The following C3orf33 variants were observed in gnomAD, a reference collection of about 807,000 sequenced individuals.
C3orf33 encodes mitochondrial inner membrane subdomain organizer 1.
In C3orf33, 23 loss-of-function variants were observed where a neutral mutation model predicts 28.7. The ratio of observed to expected loss-of-function variants is 0.80; its 90% confidence interval spans 0.58 to 1.13. C3orf33 has a LOEUF of 1.13. Ranked by LOEUF, C3orf33 falls within the 50% of genes most tolerant of loss-of-function variation. C3orf33 has a pLI of 0.00. For synonymous variants in C3orf33, 119 were observed against 120.5 expected (o/e 0.99, Z 0.08); for missense variants, 327 against 353.4 (o/e 0.93, Z 0.60).
chr3:155,768,088 C>T (rs949716520), intron 3 of C3orf33, among the ~76,000 whole-genome samples: 2 of 152,132 alleles, frequency 1.3e-5, no homozygotes, highest in Non-Finnish European at 2.9e-5. Context: ...TTATGTTGGC[C>T]AAGCTGGTCT....
chr3:155,771,147 C>G (rs1750579553), intron 3 of C3orf33, among the ~76,000 whole-genome samples: 1 of 151,618 alleles, frequency 6.6e-6, no homozygotes, highest in Non-Finnish European at 1.5e-5. Flanking sequence ...GCTCTGCCAC[C>G]CAGGCTGGAG....
intron 4 of C3orf33, among the ~76,000 whole-genome samples, chr3:155,767,153 T>C (rs1022900500): frequency 6.6e-6 from 1 of 151,638 alleles, no homozygotes; most frequent in Admixed American, 6.6e-5. Context: ...CTCAGGAGGC[T>C]GAGGCAGAAG....
At chr3:155,780,655 T>C (rs1306221813) in intron 2 of C3orf33, among the ~76,000 whole-genome samples, 1 of 152,176 alleles carries the variant, frequency 6.6e-6, no homozygotes, top group East Asian at 1.9e-4. Flanking sequence ...TAACACAATA[T>C]CCATTGCTAA....
At chr3:155,800,271 C>T (rs1751601416) in intron 2 of C3orf33, among the ~76,000 whole-genome samples, 1 of 151,876 alleles carries the variant, frequency 6.6e-6, no homozygotes, top group Non-Finnish European at 1.5e-5. Flanking sequence ...AAATTTAAAA[C>T]TTGCACATCA....
rs1577434682 is a variant in C3orf33 at position 155,794,317 on chromosome 3, T to C, written c.174+8215A>G. On this transcript the variant is annotated intron_variant, in intron 2 of 4. Transcript: ENST00000340171. ...TTTATGCAATCAATGTTGTCATCGGTTTAAAATAACAGGTGATAAGATATT... is the reference window on the plus strand; with the variant it reads ...TTTATGCAATCAATGTTGTCATCGGCTTAAAATAACAGGTGATAAGATATT... 3.9e-5 allele frequency among the ~76,000 whole-genome samples: 6 copies of C among 152,048 alleles called. No homozygotes were observed. The South Asian group carries it at 1.2e-3, about 32-fold the overall frequency.
chr3:155,799,278 A>G (rs556999974), intron 2 of C3orf33, among the ~76,000 whole-genome samples: 35 of 152,362 alleles, frequency 2.3e-4, no homozygotes, highest in African/African-American at 7.9e-4. Flanking sequence ...GATATATACC[A>G]AAAGAAAGGA....
At chr3:155,792,972 A>G (rs1280478812) in intron 2 of C3orf33, among the ~76,000 whole-genome samples, 1 of 152,140 alleles carries the variant, frequency 6.6e-6, no homozygotes, top group East Asian at 1.9e-4. Context: ...ATTCAAGTAC[A>G]AGAAGGTTAT....
chr3:155,777,364 G>C (rs1274508094), intron 2 of C3orf33, among the ~76,000 whole-genome samples: 4 of 151,728 alleles, frequency 2.6e-5, no homozygotes, highest in African/African-American at 9.7e-5. Flanking sequence ...TCTGAATACA[G>C]ACTGGGTATT....
At position 155,796,144 on chromosome 3, in the gene C3orf33, A is replaced by C. The variant is rs867076100; in HGVS notation, c.174+6388T>G. ...AAACCCAAAATTAGTAGAAGAAAAA[A>C]ATAATAAAGATTGGAGCAAAAATAA... On this transcript the variant is annotated intron_variant, in intron 2 of 4. Coordinates refer to ENST00000340171, the MANE Select transcript of C3orf33 (RefSeq NM_001308229.2). 9.9e-5 allele frequency among the ~76,000 whole-genome samples: 15 copies of C among 152,250 alleles called. No individual in the cohort carries two copies. The South Asian group carries it at 2.5e-3, about 25-fold the overall frequency.
chr3:155,792,562 G>C (rs778529721), intron 2 of C3orf33, among the ~76,000 whole-genome samples: 1 of 152,108 alleles, frequency 6.6e-6, no homozygotes, highest in African/African-American at 2.4e-5. Context: ...TGGCTGTTTT[G>C]AGGAAACCTA....
intron 3 of C3orf33, among the ~76,000 whole-genome samples, chr3:155,770,962 CTGTGTGTGTGTGTGTGTGTG>C (rs3068982): frequency 7.7e-6 from 1 of 129,926 alleles, no homozygotes; most frequent in Non-Finnish European, 1.6e-5. Flanking sequence ...GCATGAACCA[CTGTGTGTGTGTGTGTGTGTG>C]TGTGTGTGTG....
intron 2 of C3orf33, among the ~76,000 whole-genome samples, chr3:155,782,664 A>G (rs1322898110): frequency 6.6e-6 from 1 of 152,222 alleles, no homozygotes; most frequent in Non-Finnish European, 1.5e-5. Context: ...GACCCTCAGA[A>G]GTGAAGAATT....
chr3:155,783,026 A>G (rs985035987), intron 2 of C3orf33, among the ~76,000 whole-genome samples: 1 of 152,188 alleles, frequency 6.6e-6, no homozygotes, highest in Non-Finnish European at 1.5e-5. Flanking sequence ...GAAAAATAAA[A>G]AAATCTGCCA....
chr3:155,787,009 A>T (rs1393617239), intron 2 of C3orf33, among the ~76,000 whole-genome samples: 1 of 152,206 alleles, frequency 6.6e-6, no homozygotes. Context: ...TTAAAAGGGG[A>T]CTAACACCAA....
chr3:155,794,772 T>C (rs532805786), intron 2 of C3orf33, among the ~76,000 whole-genome samples: 21 of 152,186 alleles, frequency 1.4e-4, no homozygotes, highest in Admixed American at 3.9e-4. Context: ...GATTTTAAGA[T>C]AAAATAGATT....
intron 2 of C3orf33, among the ~76,000 whole-genome samples, chr3:155,782,497 C>T (rs1250373237): frequency 6.6e-6 from 1 of 152,036 alleles, no homozygotes; most frequent in Non-Finnish European, 1.5e-5. Flanking sequence ...TTGAAAGCAG[C>T]AAGAAAGAAG....
At chr3:155,784,045 C>T (rs139320014) in intron 2 of C3orf33, among the ~76,000 whole-genome samples, 1,909 of 152,096 alleles carry the variant, frequency 0.013, 51 homozygotes, top group African/African-American at 0.044. Context: ...GATTCTCCTG[C>T]CTCAGCCTCC....
rs11924623 is a variant in C3orf33, at chr3:155,775,062, G to A, written c.322+639C>T. ...TTTTCATTTGTTTGTTGTCTATCTCGCACCTAGACTATAAGCTTCAAGGGT... is the reference window on the plus strand; with the variant it reads ...TTTTCATTTGTTTGTTGTCTATCTCACACCTAGACTATAAGCTTCAAGGGT... On this transcript the variant is annotated intron_variant, in intron 3 of 4. Coordinates refer to ENST00000340171, the MANE Select transcript of C3orf33 (RefSeq NM_001308229.2). Among the ~76,000 whole-genome samples the A allele has an allele frequency of 3.4e-3, 519 of 151,872 alleles. 4 individuals carry two copies. The highest frequency in any genetic ancestry group is 0.012 in the African/African-American group (505 of 41,388).
At chr3:155,773,452 CT>C (rs1750650118) in intron 3 of C3orf33, among the ~76,000 whole-genome samples, 1 of 152,146 alleles carries the variant, frequency 6.6e-6, no homozygotes, top group Non-Finnish European at 1.5e-5. Context: ...GATGGAAAAT[CT>C]GTTTTCTAGC....
Sources: allele counts gnomAD v4.1 joint callset (sites outside exome capture counted in the v4.1 genomes callset), GRCh38; gene constraint gnomAD v4.1.1; transcripts MANE v1.5; gene names NCBI Gene and HGNC (gene_info 2026-07-23, HGNC 2026-07-21).